Variants in IQCM observed in about 807,000 individuals in gnomAD.
IQCM encodes the protein IQ motif containing M.
Under a neutral mutation model 57.6 loss-of-function variants are expected in IQCM, and 45 were observed. The observed-to-expected ratio is 0.78, with a 90% CI of 0.62 to 1.00. The LOEUF (loss-of-function observed/expected upper bound fraction) is 1.00. IQCM is among the 50% of genes least tolerant of loss of function. The pLI, the probability that IQCM is intolerant of heterozygous loss-of-function variation, is 0.00. For synonymous variants in IQCM, 148 were observed against 158.9 expected (o/e 0.93, Z 0.51); for missense variants, 468 against 511.6 (o/e 0.91, Z 0.82).
At chr4:149,492,654 G>A (rs1235441103) in intron 12 of IQCM, among the ~76,000 whole-genome samples, 1 of 151,994 alleles carries the variant, frequency 6.6e-6, no homozygotes, top group Non-Finnish European at 1.5e-5. Flanking sequence ...GATGCAACCT[G>A]GTCTGGGAAT....
At chr4:149,439,585 G>A (rs1735702869) in intron 12 of IQCM, among the ~76,000 whole-genome samples, 1 of 151,968 alleles carries the variant, frequency 6.6e-6, no homozygotes, top group Non-Finnish European at 1.5e-5. Context: ...GTGTATAAGT[G>A]TGTCTGTGTA....
chr4:149,731,006 C>T (rs914361216), intron 5 of IQCM, among the ~76,000 whole-genome samples: 1 of 152,100 alleles, frequency 6.6e-6, no homozygotes, highest in African/African-American at 2.4e-5. Flanking sequence ...TCTCCTTTTC[C>T]AACTTCCTAA....
intron 5 of IQCM, among the ~76,000 whole-genome samples, chr4:149,731,123 C>G (rs1049329128): frequency 1.3e-5 from 2 of 152,198 alleles, no homozygotes; most frequent in African/African-American, 4.8e-5. Context: ...CCTTATTATG[C>G]TTCAAATGTT....
intron 12 of IQCM, among the ~76,000 whole-genome samples, chr4:149,506,026 C>A (rs1377064950): frequency 1.3e-5 from 2 of 152,156 alleles, no homozygotes; most frequent in African/African-American, 4.8e-5. Flanking sequence ...CTTACTTATC[C>A]ACAAGATCTA....
intron 13 of IQCM, among the ~76,000 whole-genome samples, chr4:149,404,126 T>A (rs1446014141): frequency 6.6e-6 from 1 of 152,020 alleles, no homozygotes; most frequent in Admixed American, 6.6e-5. Flanking sequence ...CTCTCACCTC[T>A]TGGGAGCACT....
intron 10 of IQCM, among the ~76,000 whole-genome samples, chr4:149,557,207 C>T (rs185058196): frequency 6.6e-6 from 1 of 152,204 alleles, no homozygotes; most frequent in Non-Finnish European, 1.5e-5. Flanking sequence ...CGGCAGGAAA[C>T]TCCAATGTTC....
intron 2 of IQCM, among the ~76,000 whole-genome samples, chr4:149,758,100 C>T (rs1038737575): frequency 2.0e-5 from 3 of 152,020 alleles, no homozygotes; most frequent in African/African-American, 7.2e-5. Context: ...GAATGGATAG[C>T]CCAGAAATAG....
At chr4:149,631,037 C>T (rs1480030061) in intron 7 of IQCM, among the ~76,000 whole-genome samples, 3 of 152,192 alleles carry the variant, frequency 2.0e-5, no homozygotes, top group Non-Finnish European at 4.4e-5. Flanking sequence ...TGCTGAATAT[C>T]TGCTTTCCTT....
chr4:149,797,210 CA>C (rs1360727530), intron 2 of IQCM, among the ~76,000 whole-genome samples: 1 of 151,942 alleles, frequency 6.6e-6, no homozygotes, highest in Non-Finnish European at 1.5e-5. Context: ...ATAAATTTAA[CA>C]AAAAGATTTA....
At chr4:149,638,553 A>G (rs1055486186) in intron 7 of IQCM, among the ~76,000 whole-genome samples, 1 of 152,180 alleles carries the variant, frequency 6.6e-6, no homozygotes, top group Non-Finnish European at 1.5e-5. Context: ...ACAATGGACT[A>G]CTACTCGTTA....
chr4:149,402,729 G>A (rs1034730945), intron 13 of IQCM, among the ~76,000 whole-genome samples: 3 of 151,816 alleles, frequency 2.0e-5, no homozygotes, highest in African/African-American at 7.2e-5. Context: ...ACTTAACTAG[G>A]AAGTCTGTAG....
intron 2 of IQCM, among the ~76,000 whole-genome samples, chr4:149,785,336 C>G (rs1875750): frequency 0.13 from 19,233 of 151,952 alleles, 2,638 homozygotes; most frequent in African/African-American, 0.3. Flanking sequence ...TAATTTTTAC[C>G]CTAGCTTTAT....
At chr4:149,456,426 G>T (rs535721850) in intron 12 of IQCM, among the ~76,000 whole-genome samples, 1 of 151,988 alleles carries the variant, frequency 6.6e-6, no homozygotes, top group African/African-American at 2.4e-5. Flanking sequence ...TTTGGGATGG[G>T]ACCTAAGTCT....
In IQCM at chr4:149,368,756, G is replaced by GTA. The variant is rs34134697; in HGVS notation, c.1391-16692_1391-16691dup. Among the ~76,000 whole-genome samples, 457 of 73,250 alleles carry GTA rather than the reference G, an allele frequency of 6.2e-3. 15 individuals carry two copies. Among genetic ancestry groups the GTA allele is most frequent in the African/African-American group, 0.02 (421 of 21,398 alleles). 48.1% of individuals were successfully genotyped at this position (73,250 alleles called of 152,430 possible). On this transcript the variant is annotated intron_variant, in intron 13 of 13. Transcript: ENST00000636793. ...AAAGGCACAAATTATATATATACATGTATATATATATATACATATATATAC... is the reference window on the plus strand; with the variant it reads ...AAAGGCACAAATTATATATATACATGTATATATATATATATACATATATATAC...
At chr4:149,410,820 T>C (rs1733332030) in intron 13 of IQCM, among the ~76,000 whole-genome samples, 1 of 152,086 alleles carries the variant, frequency 6.6e-6, no homozygotes, top group Non-Finnish European at 1.5e-5. Flanking sequence ...GGCCAATAGT[T>C]AACATAGACA....
chr4:149,574,081 T>G (rs1373652808), intron 9 of IQCM, among the ~76,000 whole-genome samples: 1 of 151,960 alleles, frequency 6.6e-6, no homozygotes, highest in African/African-American at 2.4e-5. Context: ...ATGTTCAATT[T>G]TATGCCACGG....
chr4:149,482,194 T>C (rs945109384), intron 12 of IQCM, among the ~76,000 whole-genome samples: 1 of 152,032 alleles, frequency 6.6e-6, no homozygotes, highest in East Asian at 1.9e-4. Context: ...TCTGTAGGCT[T>C]TTCCAAATAT....
At chr4:149,693,732 T>C (rs1375420247) in intron 5 of IQCM, among the ~76,000 whole-genome samples, 1 of 152,242 alleles carries the variant, frequency 6.6e-6, no homozygotes, top group Non-Finnish European at 1.5e-5. Flanking sequence ...TGTATAATTC[T>C]AATTGTTTGA....
At chr4:149,660,568 T>A (rs372410535) in intron 7 of IQCM, among the ~76,000 whole-genome samples, 3 of 152,020 alleles carry the variant, frequency 2.0e-5, no homozygotes, top group South Asian at 2.1e-4. Context: ...AATAGCAAAG[T>A]CTTGGAACCA....
Sources: gnomAD v4.1 joint callset for allele counts (sites outside exome capture counted in the v4.1 genomes callset) on GRCh38, gnomAD v4.1.1 for gene constraint, MANE v1.5 for transcripts, NCBI Gene and HGNC (gene_info 2026-07-23, HGNC 2026-07-21) for gene names.